The following FANCB variants were observed in gnomAD, a reference collection of about 807,000 sequenced individuals.
FANCB encodes Fanconi anemia group B protein.
In FANCB, 5 loss-of-function variants were observed where a neutral mutation model predicts 38.9. That is an observed-to-expected ratio of 0.13 (90% CI 0.07 to 0.27). FANCB has a LOEUF of 0.27. Ranked by LOEUF, FANCB falls within the 10% of genes least tolerant of loss-of-function variation. The probability of loss-of-function intolerance (pLI) is 1.00; values close to 1 mark genes in which losing one functional copy is unlikely to be tolerated. For missense variants in FANCB, 573 were observed against 602.7 expected (o/e 0.95, Z 0.52); for synonymous variants, 236 against 215.4 (o/e 1.10, Z -0.84).
At chrX:14,780,436 C>G in the FANCB span, among the ~76,000 whole-genome samples, 1 of 110,921 alleles carries the variant, frequency 9.0e-6, no homozygotes, top group Admixed American at 9.5e-5. Flanking sequence ...AAATGACAGT[C>G]AAGTAGAAAC....
downstream of FANCB, among the ~76,000 whole-genome samples, chrX:14,838,672 A>C (rs1327050818): frequency 1.8e-5 from 2 of 112,232 alleles, no homozygotes; most frequent in Non-Finnish European, 3.8e-5. Context: ...TTACAAAAAA[A>C]CCTACTAAAA....
the FANCB span, among the ~76,000 whole-genome samples, chrX:14,824,696 T>G: frequency 8.9e-6 from 1 of 112,480 alleles, no homozygotes; most frequent in Non-Finnish European, 1.9e-5. Context: ...TTTTTTCATT[T>G]TCCTGATACT....
chrX:14,744,304 G>T, the FANCB span, among the ~76,000 whole-genome samples: 2 of 112,117 alleles, frequency 1.8e-5, no homozygotes, highest in South Asian at 7.3e-4. Context: ...ATTTCACAGG[G>T]TTCTAATGAG....
the FANCB span, among the ~76,000 whole-genome samples, chrX:14,801,794 C>T: frequency 9.5e-4 from 105 of 110,393 alleles, 1 homozygote; most frequent in East Asian, 0.024. Flanking sequence ...TTCATGTAGC[C>T]ACCCTTCTAT....
chrX:14,710,351 A>G, the FANCB span, among the ~76,000 whole-genome samples: 140 of 112,248 alleles, frequency 1.2e-3, no homozygotes, highest in African/African-American at 4.4e-3. Flanking sequence ...GAAGGTTGAT[A>G]TCATTGCTTG....
At chrX:14,721,994 T>A in the FANCB span, among the ~76,000 whole-genome samples, 3 of 111,987 alleles carry the variant, frequency 2.7e-5, no homozygotes, top group Admixed American at 1.9e-4. Flanking sequence ...TCCAACAACC[T>A]CCTTGAGGGC....
In FANCB at chrX:14,845,274, A is replaced by G. The variant is rs775926751; in HGVS notation, c.1509T>C (p.Asp503=). ...GATCCATTAACAATGATAAAGTCAC[A>G]TCATTCAGGGACCTGTAAAAAACCC... ...TTSSLKLSLN[D]VTLSLLMDQA... Residue 503 remains aspartate, a synonymous_variant, in exon 8 of 10, where the codon GAT becomes GAC. Transcript: ENST00000650831. 8.3e-7 allele frequency: 1 copy of G among 1,208,344 alleles called. No individual in the cohort carries two copies. The highest frequency in any genetic ancestry group is 1.8e-5 in the South Asian group (1 of 56,649).
At chrX:14,807,386 T>C in the FANCB span, among the ~76,000 whole-genome samples, 1 of 112,588 alleles carries the variant, frequency 8.9e-6, no homozygotes, top group African/African-American at 3.2e-5. Context: ...GGAATATGTA[T>C]GAGAGATAAT....
At chrX:14,872,582 G>A (rs2092504100) in intron 1 of FANCB, among the ~76,000 whole-genome samples, 1 of 106,303 alleles carries the variant, frequency 9.4e-6, no homozygotes, top group Non-Finnish European at 1.9e-5. Context: ...CCCTAGCAGT[G>A]GTGACTAAAA....
At chrX:14,824,569 A>C in the FANCB span, among the ~76,000 whole-genome samples, 1 of 111,984 alleles carries the variant, frequency 8.9e-6, no homozygotes, top group African/African-American at 3.2e-5. Context: ...AAATATTTTC[A>C]TTTATTTTAA....
In FANCB at chrX:14,865,470, C is replaced by G. The variant is rs753239814; in HGVS notation, c.41G>C (p.Arg14Thr). 1 of 1,205,658 alleles carries G rather than the reference C, an allele frequency of 8.3e-7. No individual in the cohort carries two copies. The highest frequency in any genetic ancestry group is 1.1e-6 in the Non-Finnish European group (1 of 892,747). Residue 14 changes from arginine (R) to threonine (T), a missense_variant, in exon 3 of 10, where the codon AGG (arginine) becomes ACG (threonine). Transcript: ENST00000650831. The part of the protein sequence containing the change: ...KQAMSSNEQE[R>T]LLCYNGEVLV... The stretch of plus-strand genomic sequence containing the variant: ...GACTTCCCCATTATAACACAAGAGC[C>G]TTTCTTGTTCGTTAGATGACATTGC...
chrX:14,750,983 C>G, the FANCB span, among the ~76,000 whole-genome samples: 1 of 110,677 alleles, frequency 9.0e-6, no homozygotes, highest in Non-Finnish European at 1.9e-5. Flanking sequence ...TTTATTTAAC[C>G]CTTCCAAACT....
the FANCB span, among the ~76,000 whole-genome samples, chrX:14,764,083 T>C: frequency 8.9e-6 from 1 of 111,778 alleles, no homozygotes; most frequent in Non-Finnish European, 1.9e-5. Flanking sequence ...CAGCACATAT[T>C]TATCATCTCA....
the FANCB span, among the ~76,000 whole-genome samples, chrX:14,716,674 G>T: frequency 9.0e-6 from 1 of 111,417 alleles, no homozygotes. Context: ...AGTTAATTTT[G>T]ACATGCTCCC....
chrX:14,760,370 G>A, the FANCB span, among the ~76,000 whole-genome samples: 3 of 111,795 alleles, frequency 2.7e-5, no homozygotes, highest in Non-Finnish European at 5.6e-5. Flanking sequence ...GAAGTAGAGA[G>A]TAGAATAGTG....
the FANCB span, chrX:14,690,618 A>G: frequency 1.6e-3 from 1,030 of 627,299 alleles, 2 homozygotes; most frequent in Non-Finnish European, 2.4e-3. Flanking sequence ...TGCTCACACC[A>G]TTAAGAATCT....
chrX:14,787,209 T>A, the FANCB span, among the ~76,000 whole-genome samples: 1 of 110,611 alleles, frequency 9.0e-6, no homozygotes, highest in African/African-American at 3.3e-5. Flanking sequence ...GCCATCCTTA[T>A]GAAAAGTCAT....
the FANCB span, among the ~76,000 whole-genome samples, chrX:14,760,336 G>GA: frequency 8.9e-6 from 1 of 111,736 alleles, no homozygotes; most frequent in Non-Finnish European, 1.9e-5. Context: ...CTCATATGTG[G>GA]AATCTAAAAA....
rs2092437302 is a variant in FANCB at position 14,859,448 on chromosome X, A to C, written c.952-114T>G. Reference sequence around the variant, plus strand: ...GTCATTTGTAAAACTCAATCTTATAAATGAGTAATGAAAATAGTAAAAACT... The same window carrying C: ...GTCATTTGTAAAACTCAATCTTATACATGAGTAATGAAAATAGTAAAAACT... On this transcript the variant is annotated intron_variant, in intron 3 of 9. Coordinates refer to ENST00000650831, the MANE Select transcript of FANCB (RefSeq NM_001018113.3). 14 of 508,546 alleles carry C rather than the reference A, an allele frequency of 2.8e-5. No homozygotes were observed. In the East Asian group the frequency reaches 5.2e-4, roughly 19 times the overall value. The allele number at this position is 508,546 out of a possible 1,213,427, so 41.9% of individuals were successfully genotyped here. A position where few individuals can be genotyped will look rare whatever the true frequency, so the allele number is the denominator to read the frequency against.
Sources: allele counts gnomAD v4.1 joint callset (sites outside exome capture counted in the v4.1 genomes callset), GRCh38; gene constraint gnomAD v4.1.1; transcripts MANE v1.5; gene names NCBI Gene and HGNC (gene_info 2026-07-23, HGNC 2026-07-21).